The following RELN variants were observed in gnomAD, a reference collection of about 807,000 sequenced individuals.
RELN encodes reelin.
A neutral mutation model predicts 427.6 loss-of-function variants in RELN; 108 were observed. The observed-to-expected ratio is 0.25, with a 90% CI of 0.22 to 0.30. The LOEUF (loss-of-function observed/expected upper bound fraction) is 0.30. Ranked by LOEUF, RELN falls within the 10% of genes least tolerant of loss-of-function variation. The probability of loss-of-function intolerance (pLI) is 1.00; values close to 1 mark genes in which losing one functional copy is unlikely to be tolerated. For synonymous variants in RELN, 1,524 were observed against 1,513.4 expected (o/e 1.01, Z -0.16); for missense variants, 3,715 against 4,302.8 (o/e 0.86, Z 3.82).
In RELN at chr7:103,856,585, A is replaced by AAG. The variant is rs1554431483; in HGVS notation, c.338-22914_338-22913insCT. ...ACTCCACCTCAAAAAAAAAAAAAAA[A>AAG]AAAGAAAGAAAGAAAGAAAAAAGCA... On this transcript the variant is annotated intron_variant, in intron 2 of 64. Transcript: ENST00000428762. 8.7e-3 allele frequency among the ~76,000 whole-genome samples: 1,155 copies of AAG among 133,060 alleles called. 10 individuals are homozygous for AAG. Among genetic ancestry groups the AAG allele is most frequent in the Middle Eastern group, 0.016 (4 of 250 alleles). The allele number at this position is 133,060 out of a possible 152,430, so 87.3% of individuals were successfully genotyped here. A position where few individuals can be genotyped will look rare whatever the true frequency, so the allele number is the denominator to read the frequency against.
chr7:103,760,188 T>A (rs1172318088), intron 4 of RELN, among the ~76,000 whole-genome samples: 2 of 151,840 alleles, frequency 1.3e-5, no homozygotes, highest in African/African-American at 4.8e-5. Context: ...CAATATTAAA[T>A]TGAAGCCTAA....
chr7:103,629,005 C>T (rs192228640), intron 20 of RELN, among the ~76,000 whole-genome samples: 6 of 152,326 alleles, frequency 3.9e-5, no homozygotes, highest in Non-Finnish European at 7.4e-5. Flanking sequence ...TCCTTGAATA[C>T]GCCATGGTCA....
intron 4 of RELN, among the ~76,000 whole-genome samples, chr7:103,761,003 T>G (rs144326247): frequency 7.9e-5 from 12 of 152,310 alleles, no homozygotes; most frequent in African/African-American, 2.9e-4. Context: ...CAGTTCTCCC[T>G]GTGTTCAAGA....
intron 2 of RELN, among the ~76,000 whole-genome samples, chr7:103,856,702 T>A (rs1205079018): frequency 1.3e-5 from 2 of 152,134 alleles, no homozygotes; most frequent in African/African-American, 2.4e-5. Flanking sequence ...ATTAAGCATG[T>A]CTGTGCCTTT....
chr7:103,853,385 C>A (rs1046278241), intron 2 of RELN, among the ~76,000 whole-genome samples: 2 of 151,978 alleles, frequency 1.3e-5, no homozygotes, highest in African/African-American at 4.8e-5. Flanking sequence ...GTGAACCCTT[C>A]AATATTGCTT....
intron 2 of RELN, 105 bp downstream of exon 2, chr7:103,916,970 T>C (rs1190489124): frequency 4.5e-6 from 4 of 881,886 alleles, no homozygotes; most frequent in African/African-American, 3.3e-5. Flanking sequence ...GATTATTTTC[T>C]TGGAAGTAAT....
chr7:103,521,955 A>G lies in RELN; in HGVS notation c.7668+67T>C. The G allele has an allele frequency of 4.6e-6, 7 of 1,520,216 alleles. 1 individual carries two copies. The South Asian group carries it at 6.8e-5, about 15-fold the overall frequency. 94.2% of individuals were successfully genotyped at this position (1,520,216 alleles called of 1,614,324 possible). On this transcript the variant is annotated intron_variant, in intron 48 of 64. Transcript: ENST00000428762. ...CTTGATTTGCCCATTAAACTTCAGA[A>G]GAGAGTCAACTATTTGGAAGGAACT...
intron 2 of RELN, among the ~76,000 whole-genome samples, chr7:103,903,943 C>T (rs1209405835): frequency 6.6e-6 from 1 of 151,778 alleles, no homozygotes; most frequent in African/African-American, 2.4e-5. Context: ...CCTATCAACC[C>T]GTCATCTAGG....
chr7:103,733,888 T>A (rs1388657882), intron 6 of RELN, among the ~76,000 whole-genome samples: 1 of 151,872 alleles, frequency 6.6e-6, no homozygotes, highest in African/African-American at 2.4e-5. Context: ...CATGTATACG[T>A]ATGTAACTAA....
chr7:103,641,600 T>A (rs1473459365), intron 16 of RELN, among the ~76,000 whole-genome samples: 1 of 152,208 alleles, frequency 6.6e-6, no homozygotes, highest in Non-Finnish European at 1.5e-5. Flanking sequence ...ATAAGTAATT[T>A]ATCCTGTCTA....
At chr7:103,854,683 G>A (rs1459261414) in intron 2 of RELN, among the ~76,000 whole-genome samples, 2 of 152,140 alleles carry the variant, frequency 1.3e-5, no homozygotes, top group African/African-American at 2.4e-5. Context: ...ACAGTGATGG[G>A]AATAAGAATA....
intron 37 of RELN, 29 bp downstream of exon 37, chr7:103,557,935 CT>C: frequency 9.6e-7 from 1 of 1,045,100 alleles, no homozygotes; most frequent in South Asian, 1.3e-5. Context: ...GGAGAATTCT[CT>C]TGAAGGAAAA....
chr7:103,537,897 T>A (rs953231544), intron 45 of RELN, among the ~76,000 whole-genome samples: 59 of 152,226 alleles, frequency 3.9e-4, no homozygotes, highest in African/African-American at 1.3e-3. Context: ...CTTTGTGAAA[T>A]GTTCCCTAAC....
At chr7:103,793,905 TACAG>T (rs1305791690) in intron 3 of RELN, among the ~76,000 whole-genome samples, 6 of 152,088 alleles carry the variant, frequency 3.9e-5, no homozygotes, top group Non-Finnish European at 7.4e-5. Context: ...TAGCTGGAAC[TACAG>T]GTGCACACCC....
intron 3 of RELN, among the ~76,000 whole-genome samples, chr7:103,783,331 GA>G (rs1365719847): frequency 1.3e-5 from 2 of 151,248 alleles, no homozygotes; most frequent in Admixed American, 6.6e-5. Context: ...ATCAAAATAA[GA>G]AAAAAACTCG....
chr7:103,668,972 AATGAG>A (rs1205815286), intron 11 of RELN, among the ~76,000 whole-genome samples: 2 of 152,186 alleles, frequency 1.3e-5, no homozygotes, highest in Non-Finnish European at 2.9e-5. Flanking sequence ...TTAAGTGAGA[AATGAG>A]ATTAGTAGTC....
At chr7:103,654,071 C>T in intron 13 of RELN, 22 bp downstream of exon 13, 4 of 1,388,196 alleles carry the variant, frequency 2.9e-6, no homozygotes, top group Non-Finnish European at 4.1e-6. Context: ...GGTCTATTTG[C>T]CACACAGACT....
intron 3 of RELN, among the ~76,000 whole-genome samples, chr7:103,787,126 A>C (rs960907239): frequency 6.6e-6 from 1 of 152,218 alleles, no homozygotes; most frequent in Non-Finnish European, 1.5e-5. Context: ...TTAAGGCACA[A>C]ATAAATAAAC....
chr7:103,934,946 G>A (rs1030832742), intron 1 of RELN, among the ~76,000 whole-genome samples: 1 of 152,154 alleles, frequency 6.6e-6, no homozygotes, highest in African/African-American at 2.4e-5. Flanking sequence ...TTACCTAGAC[G>A]TTTAAATAGA....
Sources: allele counts gnomAD v4.1 joint callset (sites outside exome capture counted in the v4.1 genomes callset), GRCh38; gene constraint gnomAD v4.1.1; transcripts MANE v1.5; gene names NCBI Gene and HGNC (gene_info 2026-07-23, HGNC 2026-07-21).